The following CC2D1B variants were observed in gnomAD, a reference collection of about 807,000 sequenced individuals.
CC2D1B encodes coiled-coil and C2 domain-containing protein 1B.
In CC2D1B, 92 loss-of-function variants were observed where a neutral mutation model predicts 110.8. That is an observed-to-expected ratio of 0.83 (90% CI 0.70 to 0.99). The LOEUF (loss-of-function observed/expected upper bound fraction) is 0.99, where lower values mean the gene tolerates loss of function less well. Ranked by LOEUF, CC2D1B falls within the 50% of genes least tolerant of loss-of-function variation. The pLI, the probability that CC2D1B is intolerant of heterozygous loss-of-function variation, is 0.00. For missense variants in CC2D1B, 1,136 were observed against 1,089.0 expected, an observed-to-expected ratio of 1.04 and a Z score of -0.61; for synonymous variants, 406 against 429.2, an observed-to-expected ratio of 0.95 and a Z score of 0.67.
At chr1:52,365,777 G>GC (rs35145686) in intron 1 of CC2D1B, among the ~76,000 whole-genome samples, 11,009 of 152,268 alleles carry the variant, frequency 0.072, 471 homozygotes, top group African/African-American at 0.13. Flanking sequence ...GACGGGCGTG[G>GC]AGGCGGCGGG....
At chr1:52,355,337 A>C in intron 21 of CC2D1B, 61 bp downstream of exon 21, 1 of 1,569,006 alleles carries the variant, frequency 6.4e-7, no homozygotes, top group South Asian at 1.1e-5. Context: ...CCCACTCTGG[A>C]AACACCAGTG....
rs576965426 is a variant in CC2D1B at position 52,356,412 on chromosome 1, G to A, written c.1909C>T (p.His637Tyr). 6.2e-7 allele frequency: 1 copy of A among 1,614,250 alleles called. No homozygotes were observed. Among genetic ancestry groups the A allele is most frequent in the Non-Finnish European group, 8.5e-7 (1 of 1,180,046 alleles). Residue 637 changes from histidine (H) to tyrosine (Y), a missense_variant, in exon 17 of 25, where the codon CAC (histidine) becomes TAC (tyrosine). Physicochemically the swap from His to Tyr is moderately conservative, Grantham distance 83. Transcript: ENST00000284376. The part of the protein sequence containing the change: ...KCLLFSKQFM[H>Y]QGNVAETTRF... Reference sequence around the variant, plus strand: ...GTGGTCTCAGCCACGTTGCCCTGGTGCATGAACTGCTTGGAGAACAGCAGG... The same window carrying A: ...GTGGTCTCAGCCACGTTGCCCTGGTACATGAACTGCTTGGAGAACAGCAGG...
At chr1:52,361,287 G>A (rs1646777817) in intron 4 of CC2D1B, among the ~76,000 whole-genome samples, 155 bp from the exon 5 acceptor site, 1 of 152,124 alleles carries the variant, frequency 6.6e-6, no homozygotes, top group South Asian at 2.1e-4. Flanking sequence ...TAATCTGACC[G>A]AGGATAGCCT....
At chr1:52,363,762 C>A (rs1646832257) in intron 2 of CC2D1B, among the ~76,000 whole-genome samples, 3 of 151,600 alleles carry the variant, frequency 2.0e-5, no homozygotes, top group Non-Finnish European at 4.4e-5. Context: ...CTCACTGCAA[C>A]CTCTGCCTCC....
In CC2D1B at chr1:52,358,007, C is replaced by G. The variant is rs77028243; in HGVS notation, c.1462-109G>C. 303 of 1,453,382 alleles carry G rather than the reference C, an allele frequency of 2.1e-4. 2 individuals carry two copies. In the African/African-American group the frequency reaches 3.8e-3, roughly 18 times the overall value. The allele number at this position is 1,453,382 out of a possible 1,614,324, so 90.0% of individuals were successfully genotyped here. A position where few individuals can be genotyped will look rare whatever the true frequency, so the allele number is the denominator to read the frequency against. ...ACACTGTACTACATCGCTGTGTGAC[C>G]TGAGATGGGTGGCTTCTCTTCCTGG... On this transcript the variant is annotated intron_variant, in intron 13 of 24. Transcript: ENST00000284376.
chr1:52,361,198 G>C (rs1384553802), intron 4 of CC2D1B, 66 bp from the exon 5 acceptor site: 12 of 1,577,648 alleles, frequency 7.6e-6, no homozygotes, highest in South Asian at 2.2e-5. Context: ...CAGGACCTGA[G>C]AGTAAAGGAC....
Position 52,360,815 on chromosome 1 carries a change from C to T in CC2D1B, c.477+159G>A, listed in dbSNP as rs559156203. On this transcript the variant is annotated intron_variant, in intron 5 of 24. Coordinates refer to ENST00000284376, the MANE Select transcript of CC2D1B (RefSeq NM_001330585.2). ...GAGAGGCCTTTGAGGCTGGCTGCCA[C>T]GGAGGAGTTTCTTGTGCTCAGTTTC... The T allele has an allele frequency of 5.0e-5, 50 of 1,000,268 alleles. No homozygotes were observed. In the East Asian group the frequency reaches 7.8e-4, roughly 16 times the overall value. 62.0% of individuals were successfully genotyped at this position (1,000,268 alleles called of 1,614,324 possible).
At chr1:52,363,783 C>T (rs1246994058) in intron 2 of CC2D1B, among the ~76,000 whole-genome samples, 9 of 151,720 alleles carry the variant, frequency 5.9e-5, no homozygotes, top group Non-Finnish European at 1.3e-4. Context: ...CGGGTCTAAG[C>T]GATTCTCCTG....
Position 52,354,708 on chromosome 1 carries a change from CAA to C in CC2D1B, c.2340-12_2340-11del, listed in dbSNP as rs1646606361. On this transcript the variant is annotated splice_polypyrimidine_tract_variant and intron_variant, in intron 22 of 24. Transcript: ENST00000284376. ...GCTTCTGAAGAAGGACCTGGGGAGT[CAA>C]GAGGCAGCAGAGGATTGGACTGGGC... 8 of 1,613,978 alleles carry C rather than the reference CAA, an allele frequency of 5.0e-6. No individual in the cohort carries two copies. The highest frequency in any genetic ancestry group is 6.8e-6 in the Non-Finnish European group (8 of 1,179,854).
chr1:52,362,311 A>G lies in CC2D1B; in HGVS notation c.214+291T>C, dbSNP rs375022272. On this transcript the variant is annotated intron_variant, in intron 3 of 24. Coordinates refer to ENST00000284376, the MANE Select transcript of CC2D1B (RefSeq NM_001330585.2). ...TATGTACTTCCTATGTACCCAGTTC[A>G]GTCTGTGCTAACTGGGCCCCTACCC... Among the ~76,000 whole-genome samples, 5 of 152,204 alleles carry G rather than the reference A, an allele frequency of 3.3e-5. No homozygotes were observed. The South Asian group carries it at 1.0e-3, about 32-fold the overall frequency.
chr1:52,363,382 G>C (rs1268555595), intron 2 of CC2D1B, among the ~76,000 whole-genome samples: 2 of 142,950 alleles, frequency 1.4e-5, no homozygotes, highest in South Asian at 2.2e-4. Context: ...GCGACACAGC[G>C]AGACTCCGTC....
At chr1:52,353,328 C>A (rs537270045) in intron 24 of CC2D1B, 105 bp from the exon 25 acceptor site, 21 of 1,476,782 alleles carry the variant, frequency 1.4e-5, no homozygotes, top group African/African-American at 2.8e-5. Flanking sequence ...GATAGTTAAA[C>A]CTTGGAAGGT....
At position 52,361,080 on chromosome 1, in the gene CC2D1B, C is replaced by T. The variant is rs767549690; in HGVS notation, c.371G>A (p.Gly124Asp). Residue 124 changes from glycine (G) to aspartate (D), a missense_variant, in exon 5 of 25, where the codon GGT becomes GAT. Coordinates refer to ENST00000284376, the MANE Select transcript of CC2D1B (RefSeq NM_001330585.2). ...GCCGCCTGGGTCAGCTACCTCATCA[C>T]CATCCAGGGGCTCAGTCTCCTCGTC... Reference protein sequence around the residue: ...GVDEETEPLDGDEVADPGGSE... With the variant: ...GVDEETEPLDDDEVADPGGSE... 2 of 1,614,076 alleles carry T rather than the reference C, an allele frequency of 1.2e-6. No homozygotes were observed. The highest frequency in any genetic ancestry group is 1.7e-6 in the Non-Finnish European group (2 of 1,179,994).
intron 13 of CC2D1B, 116 bp from the exon 14 acceptor site, chr1:52,358,014 G>C: frequency 7.0e-7 from 1 of 1,435,346 alleles, no homozygotes. Flanking sequence ...GACCTGAGAT[G>C]GGTGGCTTCT....
chr1:52,358,084 C>T (rs540144651), intron 13 of CC2D1B, 186 bp from the exon 14 acceptor site: 2 of 965,570 alleles, frequency 2.1e-6, no homozygotes, highest in South Asian at 3.7e-5. Flanking sequence ...TCACATCTAA[C>T]CTCCCCAGCA....
At position 52,361,081 on chromosome 1, in the gene CC2D1B, C is replaced by G. The variant is rs377314680; in HGVS notation, c.370G>C (p.Gly124Arg). The G allele has an allele frequency of 1.2e-6, 2 of 1,614,106 alleles. No individual in the cohort carries two copies. ...GVDEETEPLD[G>R]DEVADPGGSE... The stretch of plus-strand genomic sequence containing the variant: ...CCGCCTGGGTCAGCTACCTCATCAC[C>G]ATCCAGGGGCTCAGTCTCCTCGTCC... Residue 124 changes from glycine to arginine, a missense_variant, in exon 5 of 25, where the codon GGT (glycine) becomes CGT (arginine). Gly to Arg is a moderately radical substitution (Grantham distance 125). Transcript: ENST00000284376.
At chr1:52,360,354 G>A in intron 6 of CC2D1B, 70 bp downstream of exon 6, 1 of 1,597,288 alleles carries the variant, frequency 6.3e-7, no homozygotes, top group South Asian at 1.1e-5. Context: ...CCCTCCACTG[G>A]TGCGATCTCC....
Position 52,357,612 on chromosome 1 carries a change from G to C in CC2D1B, c.1666C>G (p.Gln556Glu). ...GCTACCCGCAGATAGGCTTTGGCCT[G>C]CTCCAGGTCCTGGCTGCGCTTGGCC... ...LQAKRSQDLEQAKAYLRVAKW... is the reference protein window; with the variant it reads ...LQAKRSQDLEEAKAYLRVAKW... The change falls in exon 15 of 25, where the codon CAG (glutamine) becomes GAG (glutamate). Residue 556 changes from glutamine (Q) to glutamate (E), a missense_variant. Physicochemically the swap from Gln to Glu is conservative, Grantham distance 29. Coordinates refer to ENST00000284376, the MANE Select transcript of CC2D1B (RefSeq NM_001330585.2). The C allele has an allele frequency of 6.3e-7, 1 of 1,590,916 alleles. No individual in the cohort carries two copies. The highest frequency in any genetic ancestry group is 1.8e-5 in the Admixed American group (1 of 56,524).
chr1:52,361,713 C>T (rs1161363565), intron 3 of CC2D1B, 97 bp from the exon 4 acceptor site: 6 of 1,461,606 alleles, frequency 4.1e-6, no homozygotes, highest in Admixed American at 1.7e-5. Context: ...AGAAATCCCT[C>T]TTCCCTCCCA....
Sources: gnomAD v4.1 joint callset for allele counts (sites outside exome capture counted in the v4.1 genomes callset) on GRCh38, gnomAD v4.1.1 for gene constraint, MANE v1.5 for transcripts, NCBI Gene and HGNC (gene_info 2026-07-23, HGNC 2026-07-21) for gene names.